OSBP2: variants seen among roughly 807,000 people sequenced by gnomAD.
The protein encoded by OSBP2 is oxysterol binding protein 2.
Under a neutral mutation model 96.0 loss-of-function variants are expected in OSBP2, and 66 were observed. The observed-to-expected ratio is 0.69, with a 90% CI of 0.56 to 0.84. The LOEUF (loss-of-function observed/expected upper bound fraction) is 0.84, where lower values mean the gene tolerates loss of function less well. Among genes scored for constraint, OSBP2 ranks in the 40% least tolerant of loss-of-function variants. OSBP2 has a pLI of 0.00. For synonymous variants in OSBP2, 525 were observed against 520.9 expected (o/e 1.01, Z -0.11); for missense variants, 1,038 against 1,222.7 (o/e 0.85, Z 2.25).
intron 12 of OSBP2, among the ~76,000 whole-genome samples, chr22:30,896,628 C>G (rs1455610450): frequency 1.4e-5 from 2 of 146,994 alleles, no homozygotes; most frequent in Admixed American, 6.9e-5. Context: ...AGTTAAAAAG[C>G]AAACTACTGG....
chr22:30,900,396 G>A (rs1206380803), intron 12 of OSBP2, among the ~76,000 whole-genome samples: 1 of 152,004 alleles, frequency 6.6e-6, no homozygotes, highest in Non-Finnish European at 1.5e-5. Flanking sequence ...AAGATATAAT[G>A]TTCACGGATA....
chr22:30,891,043 A>T (rs2039937541), intron 8 of OSBP2, 70 bp downstream of exon 8: 1 of 1,545,002 alleles, frequency 6.5e-7, no homozygotes, highest in Admixed American at 1.7e-5. Context: ...GCCAGGCCCA[A>T]GGTGACAAAT....
At chr22:30,716,483 G>A (rs1045976615) in intron 1 of OSBP2, among the ~76,000 whole-genome samples, 3 of 151,828 alleles carry the variant, frequency 2.0e-5, no homozygotes, top group Admixed American at 1.3e-4. Flanking sequence ...GGTTGCCCGG[G>A]CTGGAGTGCA....
chr22:30,774,434 C>A (rs770239093), intron 2 of OSBP2, among the ~76,000 whole-genome samples: 1 of 152,186 alleles, frequency 6.6e-6, no homozygotes, highest in Non-Finnish European at 1.5e-5. Flanking sequence ...AGTGCCCAGG[C>A]CTCAAGCTAG....
chr22:30,695,300 G>A lies in OSBP2; in HGVS notation c.391G>A (p.Val131Met). ...CGCATCGGAGCCGCTCTCCCGGGCG[G>A]TGGGGAGCGCGACCTTTCTCAGACC... is the stretch of plus-strand genomic sequence containing the variant. The part of the protein sequence containing the change: ...KAASEPLSRA[V>M]GSATFLRPES... The change falls in exon 1 of 14, where the codon GTG (valine) becomes ATG (methionine). Residue 131 changes from valine to methionine, a missense_variant. Transcript: ENST00000332585. 1.2e-6 allele frequency: 2 copies of A among 1,613,452 alleles called. No individual in the cohort carries two copies. Among genetic ancestry groups the A allele is most frequent in the Non-Finnish European group, 1.7e-6 (2 of 1,180,042 alleles).
At chr22:30,730,941 G>A (rs2145723470) in intron 1 of OSBP2, among the ~76,000 whole-genome samples, 1 of 150,252 alleles carries the variant, frequency 6.7e-6, no homozygotes, top group Middle Eastern at 3.4e-3. Context: ...TTGGGTGGCC[G>A]AGGCAGGTGG....
At chr22:30,806,302 C>T (rs1010336804) in intron 2 of OSBP2, among the ~76,000 whole-genome samples, 2 of 152,218 alleles carry the variant, frequency 1.3e-5, no homozygotes, top group Admixed American at 1.3e-4. Context: ...ATCCAGTGCT[C>T]TCTCCTCACA....
At chr22:30,764,218 T>C (rs906135109) in intron 2 of OSBP2, 1 of 984,844 alleles carries the variant, frequency 1.0e-6, no homozygotes, top group South Asian at 4.7e-5. Flanking sequence ...AGCCCAGCAC[T>C]TGGAATTATC....
At chr22:30,707,288 G>T (rs8142043) in intron 1 of OSBP2, among the ~76,000 whole-genome samples, 3 of 152,048 alleles carry the variant, frequency 2.0e-5, no homozygotes, top group African/African-American at 7.2e-5. Flanking sequence ...GTAGAGACAA[G>T]GTTTCACCAT....
At chr22:30,727,017 G>A (rs1473856110) in intron 1 of OSBP2, among the ~76,000 whole-genome samples, 2 of 152,180 alleles carry the variant, frequency 1.3e-5, no homozygotes, top group Non-Finnish European at 2.9e-5. Context: ...TAGCCCAATT[G>A]GTAAGACATG....
At chr22:30,821,589 C>T (rs1366887610) in intron 2 of OSBP2, among the ~76,000 whole-genome samples, 4 of 151,050 alleles carry the variant, frequency 2.6e-5, no homozygotes, top group African/African-American at 4.9e-5. Context: ...GATGGGGGTG[C>T]GGGGATAGGG....
chr22:30,787,856 T>G (rs2090615709), intron 2 of OSBP2, among the ~76,000 whole-genome samples: 1 of 152,044 alleles, frequency 6.6e-6, no homozygotes, highest in South Asian at 2.1e-4. Context: ...TGGAGGGGTG[T>G]TAGCTGGAGC....
At chr22:30,741,754 C>T (rs1420626613) in intron 2 of OSBP2, among the ~76,000 whole-genome samples, 1 of 152,098 alleles carries the variant, frequency 6.6e-6, no homozygotes, top group Non-Finnish European at 1.5e-5. Flanking sequence ...GCCAGAGCTG[C>T]TGTCTTTGCC....
intron 12 of OSBP2, among the ~76,000 whole-genome samples, chr22:30,896,023 G>A (rs1025443509): frequency 5.3e-5 from 8 of 151,416 alleles, no homozygotes; most frequent in African/African-American, 1.7e-4. Context: ...TTGTTTTTTT[G>A]TTGTTGTTTG....
intron 2 of OSBP2, among the ~76,000 whole-genome samples, chr22:30,844,024 A>G (rs768492426): frequency 6.6e-6 from 1 of 152,032 alleles, no homozygotes; most frequent in Non-Finnish European, 1.5e-5. Context: ...ACAGGTGTAC[A>G]CCAACATGCC....
chr22:30,764,807 C>G (rs952200090), intron 2 of OSBP2, among the ~76,000 whole-genome samples: 1 of 152,132 alleles, frequency 6.6e-6, no homozygotes, highest in Non-Finnish European at 1.5e-5. Context: ...GAGAGAAGCC[C>G]CATCCTCCCA....
chr22:30,831,786 A>G (rs1365985126), intron 2 of OSBP2, among the ~76,000 whole-genome samples: 2 of 152,094 alleles, frequency 1.3e-5, no homozygotes, highest in African/African-American at 4.8e-5. Flanking sequence ...AGAGGTCCCA[A>G]TCCAGGCATG....
At chr22:30,856,217 C>G (rs1264145158) in intron 2 of OSBP2, among the ~76,000 whole-genome samples, 1 of 152,128 alleles carries the variant, frequency 6.6e-6, no homozygotes, top group East Asian at 1.9e-4. Context: ...CCCTTCACCC[C>G]TCCATCTCTC....
Position 30,907,131 on chromosome 22 carries a change from T to C in OSBP2, c.*792T>C, listed in dbSNP as rs544775444. The C allele has an allele frequency of 8.2e-4, 125 of 152,790 alleles. No homozygotes were observed. The highest frequency in any genetic ancestry group is 1.5e-4 in the Non-Finnish European group (10 of 68,106). The allele number at this position is 152,790 out of a possible 1,614,324, so 9.5% of individuals were successfully genotyped here. On this transcript the variant is annotated 3_prime_UTR_variant, in exon 14 of 14. Transcript: ENST00000332585. ...CTAGCCCCAAGAGGCCAGGAAGGGC[T>C]GGAAGGCAGGGCCTGCAGGTGCTCC...
Sources: allele counts gnomAD v4.1 joint callset (sites outside exome capture counted in the v4.1 genomes callset), GRCh38; gene constraint gnomAD v4.1.1; transcripts MANE v1.5; gene names NCBI Gene and HGNC (gene_info 2026-07-23, HGNC 2026-07-21).